TRAPPC8: variants seen among roughly 807,000 people sequenced by gnomAD.
TRAPPC8 encodes the protein general sporulation gene 1 homolog.
In TRAPPC8, 54 loss-of-function variants were observed where a neutral mutation model predicts 174.3. That is an observed-to-expected ratio of 0.31 (90% CI 0.25 to 0.39). The LOEUF (loss-of-function observed/expected upper bound fraction) is 0.39, where lower values mean the gene tolerates loss of function less well. Ranked by LOEUF, TRAPPC8 falls within the 10% of genes least tolerant of loss-of-function variation. The probability of loss-of-function intolerance (pLI) is 1.00; values close to 1 mark genes in which losing one functional copy is unlikely to be tolerated. For missense variants in TRAPPC8, 1,531 were observed against 1,699.1 expected, an observed-to-expected ratio of 0.90 and a Z score of 1.74; for synonymous variants, 630 against 579.9, an observed-to-expected ratio of 1.09 and a Z score of -1.24.
intron 3 of TRAPPC8, among the ~76,000 whole-genome samples, chr18:31,917,145 A>T (rs2037184222): frequency 6.6e-6 from 1 of 152,142 alleles, no homozygotes; most frequent in African/African-American, 2.4e-5. Context: ...AAGAAAACTA[A>T]GCCACAATCA....
Position 31,855,730 on chromosome 18 carries a change from T to C in TRAPPC8, c.3266A>G (p.Asn1089Ser), listed in dbSNP as rs756418667. The C allele has an allele frequency of 3.1e-6, 5 of 1,612,282 alleles. No homozygotes were observed. The highest frequency in any genetic ancestry group is 2.2e-5 in the East Asian group (1 of 44,786). The change falls in exon 21 of 29, where the codon AAT (asparagine) becomes AGT (serine). Residue 1089 changes from asparagine (N) to serine (S), a missense_variant. Coordinates refer to ENST00000283351, the MANE Select transcript of TRAPPC8 (RefSeq NM_014939.5). Reference protein sequence around the residue: ...LNVRATVCRSNSLENEEGRGG... With the variant: ...LNVRATVCRSSSLENEEGRGG... ...TCTGCCTTCTTCATTTTCAAGAGAATTACTTCTGCAGACAGTGGCCCGTAC... is the reference window on the plus strand; with the variant it reads ...TCTGCCTTCTTCATTTTCAAGAGAACTACTTCTGCAGACAGTGGCCCGTAC...
intron 12 of TRAPPC8, among the ~76,000 whole-genome samples, chr18:31,889,467 T>C (rs191490551): frequency 5.2e-4 from 79 of 152,312 alleles, no homozygotes; most frequent in Non-Finnish European, 9.0e-4. Context: ...ATGGGACATA[T>C]ATTTTCTTTC....
At chr18:31,863,416 T>A (rs1568059596) in intron 19 of TRAPPC8, among the ~76,000 whole-genome samples, 1 of 152,198 alleles carries the variant, frequency 6.6e-6, no homozygotes, top group Non-Finnish European at 1.5e-5. Context: ...TGATATTTAC[T>A]GCAGAATTGT....
At chr18:31,871,620 C>A (rs1225824064) in intron 14 of TRAPPC8, among the ~76,000 whole-genome samples, 1 of 152,032 alleles carries the variant, frequency 6.6e-6, no homozygotes, top group African/African-American at 2.4e-5. Context: ...ATGATTTTAC[C>A]ACATAAGTAT....
chr18:31,878,226 C>T (rs910741246), intron 12 of TRAPPC8, among the ~76,000 whole-genome samples: 1 of 152,122 alleles, frequency 6.6e-6, no homozygotes, highest in African/African-American at 2.4e-5. Context: ...GCAACTGGTG[C>T]ACCCCATCCC....
intron 24 of TRAPPC8, 54 bp downstream of exon 24, chr18:31,852,392 A>C: frequency 1.3e-6 from 2 of 1,585,348 alleles, no homozygotes; most frequent in South Asian, 1.1e-5. Context: ...AAAAATACCC[A>C]GATATGCTAT....
intron 5 of TRAPPC8, among the ~76,000 whole-genome samples, chr18:31,913,050 C>A (rs766527908): frequency 6.6e-6 from 1 of 151,878 alleles, no homozygotes; most frequent in South Asian, 2.1e-4. Context: ...ATCACTTAAA[C>A]CTGAGAGGCG....
At chr18:31,858,019 T>C (rs1208230581) in intron 19 of TRAPPC8, 37 bp from the exon 20 acceptor site, 1 of 1,523,074 alleles carries the variant, frequency 6.6e-7, no homozygotes, top group East Asian at 2.3e-5. Flanking sequence ...ATTTGTCTGT[T>C]AAAAATTTTG....
chr18:31,829,477 G>C lies in TRAPPC8; in HGVS notation c.*1278C>G, dbSNP rs898336243. 1 of 152,224 alleles carries C rather than the reference G, an allele frequency of 6.6e-6. No homozygotes were observed. Among genetic ancestry groups the C allele is most frequent in the South Asian group, 2.1e-4 (1 of 4,836 alleles). 9.4% of individuals were successfully genotyped at this position (152,224 alleles called of 1,614,324 possible). On this transcript the variant is annotated 3_prime_UTR_variant, in exon 29 of 29. Coordinates refer to ENST00000283351, the MANE Select transcript of TRAPPC8 (RefSeq NM_014939.5). ...CACCTGCTAAGACACAGAGTGGAAGGAGCTGAAAAGCCAGAGACCCACTTA... is the reference window on the plus strand; with the variant it reads ...CACCTGCTAAGACACAGAGTGGAAGCAGCTGAAAAGCCAGAGACCCACTTA...
chr18:31,890,992 G>T, intron 11 of TRAPPC8, 126 bp from the exon 12 acceptor site: 3 of 812,758 alleles, frequency 3.7e-6, no homozygotes, highest in South Asian at 2.8e-5. Context: ...GAGTATATGA[G>T]GGCAAAGATC....
chr18:31,842,003 T>C (rs1039851681), intron 26 of TRAPPC8, among the ~76,000 whole-genome samples: 1 of 152,210 alleles, frequency 6.6e-6, no homozygotes, highest in Admixed American at 6.5e-5. Flanking sequence ...TCTATGCAGC[T>C]GGGACTAAAG....
intron 25 of TRAPPC8, among the ~76,000 whole-genome samples, chr18:31,848,238 C>T (rs915934763): frequency 6.6e-6 from 1 of 152,098 alleles, no homozygotes. Flanking sequence ...TCTTAGATAA[C>T]TTTCTTCTTT....
intron 12 of TRAPPC8, among the ~76,000 whole-genome samples, chr18:31,889,546 C>T (rs184363560): frequency 6.6e-6 from 1 of 152,294 alleles, no homozygotes; most frequent in African/African-American, 2.4e-5. Flanking sequence ...ACCAGAGATA[C>T]ACAGTGGCGT....
In TRAPPC8 at chr18:31,864,851, T is replaced by C. The variant is rs955229314; in HGVS notation, c.2591-70A>G. 2.9e-5 allele frequency: 37 copies of C among 1,278,312 alleles called. No individual in the cohort carries two copies. The African/African-American group carries it at 5.5e-4, about 19-fold the overall frequency. The allele number at this position is 1,278,312 out of a possible 1,614,324, so 79.2% of individuals were successfully genotyped here. A position where few individuals can be genotyped will look rare whatever the true frequency, so the allele number is the denominator to read the frequency against. ...AACTGACATCAATTTAACTTGAATATGTGAATATTGTAAGTTTCAGATTAT... is the reference window on the plus strand; with the variant it reads ...AACTGACATCAATTTAACTTGAATACGTGAATATTGTAAGTTTCAGATTAT... On this transcript the variant is annotated intron_variant, in intron 18 of 28. Transcript: ENST00000283351.
chr18:31,840,912 A>G (rs895526573), intron 26 of TRAPPC8, among the ~76,000 whole-genome samples: 4 of 142,158 alleles, frequency 2.8e-5, no homozygotes, highest in Non-Finnish European at 4.6e-5. Context: ...GGCTACTGGT[A>G]AAAAAAAAAA....
chr18:31,934,196 T>C (rs1378922185), intron 1 of TRAPPC8, among the ~76,000 whole-genome samples: 1 of 147,832 alleles, frequency 6.8e-6, no homozygotes, highest in African/African-American at 2.5e-5. Flanking sequence ...AAAAAAAAAA[T>C]GGTACATGCA....
At chr18:31,856,112 C>T (rs1359739791) in intron 20 of TRAPPC8, among the ~76,000 whole-genome samples, 2 of 148,716 alleles carry the variant, frequency 1.3e-5, no homozygotes, top group East Asian at 2.0e-4. Context: ...CTTTCTCTCT[C>T]TTTTTTTTTT....
At chr18:31,837,149 A>G (rs1476938664) in intron 27 of TRAPPC8, among the ~76,000 whole-genome samples, 1 of 152,138 alleles carries the variant, frequency 6.6e-6, no homozygotes, top group Non-Finnish European at 1.5e-5. Flanking sequence ...ACTGGGCAAC[A>G]TTAAGACCAT....
chr18:31,908,629 G>T, intron 7 of TRAPPC8, 125 bp downstream of exon 7: 1 of 1,048,992 alleles, frequency 9.5e-7, no homozygotes, highest in Non-Finnish European at 1.3e-6. Context: ...TAGTAATTTT[G>T]GGAAGTCTTA....
Sources: allele counts gnomAD v4.1 joint callset (sites outside exome capture counted in the v4.1 genomes callset), GRCh38; gene constraint gnomAD v4.1.1; transcripts MANE v1.5; gene names NCBI Gene and HGNC (gene_info 2026-07-23, HGNC 2026-07-21).